ALPL: variants seen among roughly 807,000 people sequenced by gnomAD.
ALPL encodes the protein alkaline phosphatase, biomineralization associated, also known as alkaline phosphatase, tissue-nonspecific isozyme.
In ALPL, 42 loss-of-function variants were observed where a neutral mutation model predicts 51.3. The ratio of observed to expected loss-of-function variants is 0.82; its 90% CI spans 0.64 to 1.06. The LOEUF (loss-of-function observed/expected upper bound fraction) is 1.06. Among genes scored for constraint, ALPL ranks in the 50% least tolerant of loss-of-function variants. The pLI is 0.00. For missense variants in ALPL, 589 were observed against 709.4 expected (o/e 0.83, Z 1.93); for synonymous variants, 279 against 296.4 (o/e 0.94, Z 0.60).
At chr1:21,567,198 G>A (rs1194611146) in intron 6 of ALPL, among the ~76,000 whole-genome samples, 1 of 152,216 alleles carries the variant, frequency 6.6e-6, no homozygotes, top group Non-Finnish European at 1.5e-5. Flanking sequence ...TGTCAGCCAG[G>A]CTCTGCACTC....
At chr1:21,524,432 A>G (rs1643916033) in intron 1 of ALPL, among the ~76,000 whole-genome samples, 2 of 152,116 alleles carry the variant, frequency 1.3e-5, no homozygotes, top group African/African-American at 4.8e-5. Context: ...CTGCAGTGAG[A>G]TATCATTGCA....
At position 21,573,669 on chromosome 1, in the gene ALPL, C is replaced by T; in HGVS notation, c.867C>T (p.Leu289=). ...DPHNVDYLLG[L]FEPGDMQYEL... is the part of the protein sequence containing the mutation. ...TCCTCCTGGCGTCCTCCTCAGGTCT[C>T]TTCGAGCCAGGGGACATGCAGTACG... is the stretch of plus-strand genomic sequence containing the variant. Residue 289 remains leucine, a synonymous_variant, in exon 9 of 12, where the codon CTC becomes CTT. Coordinates refer to ENST00000374840, the MANE Select transcript of ALPL (RefSeq NM_000478.6). The T allele has an allele frequency of 6.2e-7, 1 of 1,613,840 alleles. No individual in the cohort carries two copies. Among genetic ancestry groups the T allele is most frequent in the Non-Finnish European group, 8.5e-7 (1 of 1,179,958 alleles).
rs538552935 is a variant in ALPL, at chr1:21,572,553, A to T, written c.863-1112A>T. ...GAGACCACACAAGCGCGTGAATTCC[A>T]GGGGGCAGGGGTTATTGGGCACCAT... On this transcript the variant is annotated intron_variant, in intron 8 of 11. Coordinates refer to ENST00000374840, the MANE Select transcript of ALPL (RefSeq NM_000478.6). 3.9e-5 allele frequency among the ~76,000 whole-genome samples: 6 copies of T among 152,296 alleles called. No individual in the cohort carries two copies. The South Asian group carries it at 1.2e-3, about 32-fold the overall frequency.
intron 1 of ALPL, among the ~76,000 whole-genome samples, chr1:21,553,475 G>A (rs1644358380): frequency 1.3e-5 from 2 of 152,178 alleles, no homozygotes; most frequent in South Asian, 4.1e-4. Flanking sequence ...TGGGACACAG[G>A]TAATTAAAAG....
chr1:21,554,910 T>TC (rs1326290752), intron 2 of ALPL, among the ~76,000 whole-genome samples: 1 of 136,520 alleles, frequency 7.3e-6, no homozygotes, highest in African/African-American at 2.8e-5. Flanking sequence ...TTTCTTTCTC[T>TC]TTTCTTTCTT....
intron 1 of ALPL, among the ~76,000 whole-genome samples, chr1:21,528,089 C>G (rs1643974016): frequency 6.6e-6 from 1 of 151,440 alleles, no homozygotes; most frequent in Non-Finnish European, 1.5e-5. Context: ...GGCACGATCA[C>G]TGCTCATACA....
At chr1:21,528,796 G>A (rs184593856) in intron 1 of ALPL, among the ~76,000 whole-genome samples, 10 of 151,934 alleles carry the variant, frequency 6.6e-5, no homozygotes, top group South Asian at 2.1e-4. Flanking sequence ...AGGGCCGGGC[G>A]TCGTGGCTCA....
At chr1:21,570,645 T>A (rs1644634758) in intron 8 of ALPL, among the ~76,000 whole-genome samples, 1 of 152,168 alleles carries the variant, frequency 6.6e-6, no homozygotes, top group Admixed American at 6.5e-5. Context: ...GTGGCACAAG[T>A]GACAGCGGTA....
intron 1 of ALPL, among the ~76,000 whole-genome samples, chr1:21,552,123 C>CCCCCCCCCCCCCCCCCT (rs1553410475): frequency 5.6e-4 from 28 of 50,180 alleles, no homozygotes; most frequent in African/African-American, 6.3e-4. Context: ...CTTCCCTTTC[C>CCCCCCCCCCCCCCCCCT]TCCCTCCCCT....
chr1:21,537,549 C>T (rs940426738), intron 1 of ALPL, among the ~76,000 whole-genome samples: 4 of 152,342 alleles, frequency 2.6e-5, no homozygotes, highest in African/African-American at 7.2e-5. Flanking sequence ...CTGCAGCTCT[C>T]ATTGCCAGAA....
In ALPL at chr1:21,554,287, C is replaced by G. The variant is rs567033811; in HGVS notation, c.61+145C>G. 1.1e-5 allele frequency: 8 copies of G among 761,856 alleles called. No homozygotes were observed. The African/African-American group carries it at 1.2e-4, about 12-fold the overall frequency. 47.2% of individuals were successfully genotyped at this position (761,856 alleles called of 1,614,324 possible). A position where few individuals can be genotyped will look rare whatever the true frequency, so the allele number is the denominator to read the frequency against. On this transcript the variant is annotated intron_variant, in intron 2 of 11. Coordinates refer to ENST00000374840, the MANE Select transcript of ALPL (RefSeq NM_000478.6). ...TTCAGAGCAGGAAACCTCAGCCCTG[C>G]TACTTGCATGTGTTAGTTGGATAGG...
chr1:21,552,114 T>TCCCCCCCCCCCCCCCCCCCCTCCCC (rs1244827813), intron 1 of ALPL, among the ~76,000 whole-genome samples: 1 of 51,432 alleles, frequency 1.9e-5, no homozygotes, highest in Non-Finnish European at 3.6e-5. Flanking sequence ...TTTCCTCCCC[T>TCCCCCCCCCCCCCCCCCCCCTCCCC]TCCCTTTCCT....
intron 1 of ALPL, among the ~76,000 whole-genome samples, chr1:21,552,023 C>T (rs1184536072): frequency 2.0e-5 from 3 of 149,730 alleles, no homozygotes; most frequent in African/African-American, 7.4e-5. Context: ...CCGCGCCCGG[C>T]CATTTGCGTG....
intron 1 of ALPL, among the ~76,000 whole-genome samples, chr1:21,553,729 A>T (rs540681520): frequency 6.6e-6 from 1 of 152,240 alleles, no homozygotes; most frequent in Non-Finnish European, 1.5e-5. Flanking sequence ...GTGGAAATTC[A>T]CTTAGGAAAT....
intron 1 of ALPL, among the ~76,000 whole-genome samples, chr1:21,532,838 G>A (rs759439031): frequency 6.6e-6 from 1 of 152,174 alleles, no homozygotes; most frequent in Admixed American, 6.5e-5. Flanking sequence ...ACTCAGTGAT[G>A]GCATAGGGTT....
At position 21,575,445 on chromosome 1, in the gene ALPL, G is replaced by A. The variant is rs61778392; in HGVS notation, c.998-288G>A. ...GCAGCTAGAGACAGTGCTGGGAGGG[G>A]CGGTGGGAGGAGTACAGCTTCCCGG... is the stretch of plus-strand genomic sequence containing the variant. On this transcript the variant is annotated intron_variant, in intron 9 of 11. Transcript: ENST00000374840. 0.062 allele frequency among the ~76,000 whole-genome samples: 9,425 copies of A among 152,262 alleles called. 295 individuals carry two copies. The highest frequency in any genetic ancestry group is 0.11 in the Middle Eastern group (33 of 294).
At chr1:21,539,888 C>T (rs1220989165) in intron 1 of ALPL, among the ~76,000 whole-genome samples, 1 of 152,092 alleles carries the variant, frequency 6.6e-6, no homozygotes, top group Non-Finnish European at 1.5e-5. Flanking sequence ...GATCTCCTGA[C>T]CTCGTGATCT....
At chr1:21,520,187 C>T (rs932884906) in intron 1 of ALPL, among the ~76,000 whole-genome samples, 3 of 152,138 alleles carry the variant, frequency 2.0e-5, no homozygotes, top group African/African-American at 4.8e-5. Context: ...AGTTCAGGCA[C>T]GATCATAGTT....
chr1:21,576,881 C>T lies in ALPL; in HGVS notation c.1309+240C>T, dbSNP rs183141968. Among the ~76,000 whole-genome samples, 1,475 of 152,262 alleles carry T rather than the reference C, an allele frequency of 9.7e-3. 15 individuals carry two copies. Among genetic ancestry groups the T allele is most frequent in the Non-Finnish European group, 0.012 (845 of 68,028 alleles). On this transcript the variant is annotated intron_variant, in intron 11 of 11. Transcript: ENST00000374840. ...ACTTCATCTTTCTCTGCTTCAGTTTCCTCTCTAAAAGGGTTCTACCTTTGA... is the reference window on the plus strand; with the variant it reads ...ACTTCATCTTTCTCTGCTTCAGTTTTCTCTCTAAAAGGGTTCTACCTTTGA...
Sources: gnomAD v4.1 joint callset for allele counts (sites outside exome capture counted in the v4.1 genomes callset) on GRCh38, gnomAD v4.1.1 for gene constraint, MANE v1.5 for transcripts, NCBI Gene and HGNC (gene_info 2026-07-23, HGNC 2026-07-21) for gene names.